CPAMD8: variants seen among roughly 807,000 people sequenced by gnomAD.
CPAMD8 encodes the protein C3 and PZP-like alpha-2-macroglobulin domain-containing protein 8.
A neutral mutation model predicts 224.7 loss-of-function variants in CPAMD8; 146 were observed. That is an observed-to-expected ratio of 0.65 (90% CI 0.57 to 0.75). The LOEUF is 0.75. Among genes scored for constraint, CPAMD8 ranks in the 30% least tolerant of loss-of-function variants. The pLI, the probability that CPAMD8 is intolerant of heterozygous loss-of-function variation, is 0.00. For missense variants in CPAMD8, 2,301 were observed against 2,537.5 expected (o/e 0.91, Z 2.00); for synonymous variants, 966 against 1,044.6 (o/e 0.92, Z 1.45).
At chr19:17,010,740 T>C (rs948394543) in intron 5 of CPAMD8, among the ~76,000 whole-genome samples, 5 of 152,034 alleles carry the variant, frequency 3.3e-5, no homozygotes, top group Admixed American at 2.0e-4. Context: ...CACATAAATA[T>C]AGCCAGGTGC....
chr19:16,925,389 G>T lies in CPAMD8; in HGVS notation c.3371-17C>A. ...TGACGTCCCCTGGTGGGAAGGAGAA[G>T]AGAGTTGAGTTGGGGGCTGTCCCAG... On this transcript the variant is annotated splice_polypyrimidine_tract_variant and intron_variant, in intron 25 of 41. Coordinates refer to ENST00000443236, the MANE Select transcript of CPAMD8 (RefSeq NM_015692.5). 1 of 1,607,458 alleles carries T rather than the reference G, an allele frequency of 6.2e-7. No individual in the cohort carries two copies. Among genetic ancestry groups the T allele is most frequent in the Non-Finnish European group, 8.5e-7 (1 of 1,174,332 alleles).
intron 16 of CPAMD8, 55 bp downstream of exon 16, chr19:16,975,947 A>T (rs1176543636): frequency 6.9e-7 from 1 of 1,439,570 alleles, no homozygotes; most frequent in African/African-American, 1.5e-5. Context: ...AGGGAGAGCA[A>T]GAGAAGGTAA....
At chr19:16,906,857 C>T in intron 30 of CPAMD8, 95 bp downstream of exon 30, 2 of 1,251,580 alleles carry the variant, frequency 1.6e-6, no homozygotes, top group Non-Finnish European at 2.2e-6. Context: ...CTACATGACT[C>T]GTCAGTTGTG....
rs374237425 is a variant in CPAMD8 at position 16,897,770 on chromosome 19, G to C, written c.4986C>G (p.Ser1662Arg). Residue 1662 changes from serine to arginine, a missense_variant, in exon 39 of 42, where the codon AGC (serine) becomes AGG (arginine). Ser to Arg is a moderately radical substitution (Grantham distance 110). This residue lies in a region of CPAMD8 where 1,709 missense variants were observed against 1,753.2 expected (regional missense o/e 0.97). Coordinates refer to ENST00000443236, the MANE Select transcript of CPAMD8 (RefSeq NM_015692.5). ...GTTCCCGGGCGAGTGGGCTGTGGGT[G>C]CTGACGTTGTAGAAGCGAGTGGCCT... is the stretch of plus-strand genomic sequence containing the variant. ...AFEATRFYNV[S>R]THSPLARELC... The C allele has an allele frequency of 1.9e-6, 3 of 1,585,652 alleles. No individual in the cohort carries two copies. In the African/African-American group the frequency reaches 4.0e-5, roughly 21 times the overall value.
chr19:16,914,515 A>C lies in CPAMD8; in HGVS notation c.3787-17T>G, dbSNP rs1490322950. On this transcript the variant is annotated splice_polypyrimidine_tract_variant and intron_variant, in intron 28 of 41. Coordinates refer to ENST00000443236, the MANE Select transcript of CPAMD8 (RefSeq NM_015692.5). Reference sequence around the variant, plus strand: ...GATCCCACCCTGCAAGGGGACTCACAGGCCTCACCCTAAGCCAAAGGAGAC... The same window carrying C: ...GATCCCACCCTGCAAGGGGACTCACCGGCCTCACCCTAAGCCAAAGGAGAC... The C allele has an allele frequency of 6.2e-7, 1 of 1,613,360 alleles. No individual in the cohort carries two copies. The highest frequency in any genetic ancestry group is 8.5e-7 in the Non-Finnish European group (1 of 1,179,438).
rs1402652728 is a variant in CPAMD8, at chr19:16,898,736, A to C, written c.4848+739T>G. On this transcript the variant is annotated intron_variant, in intron 37 of 41. Coordinates refer to ENST00000443236, the MANE Select transcript of CPAMD8 (RefSeq NM_015692.5). The surrounding 1 kb of genome is among the most constrained non-coding windows in gnomAD (Gnocchi z 4.2). ...TTGTGTCTGGCTTCTTTCACTCAGC[A>C]TCATGTTTCTGAGGTTCATCCATGC... 6.6e-6 allele frequency among the ~76,000 whole-genome samples: 1 copy of C among 151,922 alleles called. No homozygotes were observed. Among genetic ancestry groups the C allele is most frequent in the African/African-American group, 2.4e-5 (1 of 41,336 alleles).
chr19:17,021,755 C>G (rs528846595), intron 2 of CPAMD8, among the ~76,000 whole-genome samples: 1 of 152,222 alleles, frequency 6.6e-6, no homozygotes, highest in African/African-American at 2.4e-5. Context: ...AAAGCTGACA[C>G]AGGTGGGTGC....
intron 22 of CPAMD8, among the ~76,000 whole-genome samples, chr19:16,939,650 C>T (rs1335932338): frequency 1.3e-5 from 2 of 152,146 alleles, no homozygotes; most frequent in Non-Finnish European, 2.9e-5. Flanking sequence ...GGGCACACGG[C>T]CCTCTCCAAT....
At position 16,997,288 on chromosome 19, in the gene CPAMD8, C is replaced by A. The variant is rs112680414; in HGVS notation, c.918G>T (p.Ala306=). 2 of 1,585,302 alleles carry A rather than the reference C, an allele frequency of 1.3e-6. No individual in the cohort carries two copies. Among genetic ancestry groups the A allele is most frequent in the Non-Finnish European group, 1.7e-6 (2 of 1,160,438 alleles). The change falls in exon 11 of 42, where the codon GCG becomes GCT. Residue 306 remains alanine (A), a synonymous_variant. Coordinates refer to ENST00000443236, the MANE Select transcript of CPAMD8 (RefSeq NM_015692.5). The part of the protein sequence containing the change: ...FDICVRDMIP[A]DVPEHFRGRV... ...TGCCCCGGAAGTGCTCAGGGACGTC[C>A]GCTGGGATCATGTCCCTCACGCAGA...
chr19:16,966,867 A>G (rs2054844515), intron 18 of CPAMD8, among the ~76,000 whole-genome samples: 1 of 152,222 alleles, frequency 6.6e-6, no homozygotes, highest in African/African-American at 2.4e-5. Context: ...GTGGAGAAAT[A>G]GGAATGCTTT....
At chr19:16,945,442 G>A (rs1568508817) in intron 22 of CPAMD8, 107 bp downstream of exon 22, 6 of 1,465,752 alleles carry the variant, frequency 4.1e-6, no homozygotes, top group South Asian at 1.3e-5. Context: ...CGTGAAGGCT[G>A]CCCAGGCCCT....
At chr19:17,007,813 A>G (rs2056533985) in intron 7 of CPAMD8, among the ~76,000 whole-genome samples, 1 of 152,260 alleles carries the variant, frequency 6.6e-6, no homozygotes, top group African/African-American at 2.4e-5. Context: ...TCTGACTTCT[A>G]GCTGGAAAAG....
At chr19:16,928,580 C>T (rs2053446843) in intron 24 of CPAMD8, among the ~76,000 whole-genome samples, 1 of 152,088 alleles carries the variant, frequency 6.6e-6, no homozygotes, top group Non-Finnish European at 1.5e-5. Context: ...TATGTTCTTC[C>T]TCTAGGAAGC....
intron 14 of CPAMD8, among the ~76,000 whole-genome samples, chr19:16,978,888 ACCATCCAC>A (rs906947611): frequency 2.7e-5 from 4 of 148,114 alleles, no homozygotes; most frequent in Admixed American, 6.7e-5. Flanking sequence ...CACCCATCCA[ACCATCCAC>A]CCATCCCTCT....
At chr19:16,992,996 G>A (rs1306772533) in intron 12 of CPAMD8, among the ~76,000 whole-genome samples, 3 of 151,888 alleles carry the variant, frequency 2.0e-5, no homozygotes, top group African/African-American at 4.8e-5. Context: ...CACCCGTGAG[G>A]TGGCGGAAAC....
At chr19:16,972,362 T>C (rs910654207) in intron 17 of CPAMD8, among the ~76,000 whole-genome samples, 9 of 151,946 alleles carry the variant, frequency 5.9e-5, no homozygotes, top group African/African-American at 2.2e-4. Context: ...TCCTCATCAT[T>C]GTACTAATTA....
chr19:16,979,688 T>C (rs1024777025), intron 14 of CPAMD8, among the ~76,000 whole-genome samples: 3 of 152,170 alleles, frequency 2.0e-5, no homozygotes, highest in Admixed American at 2.0e-4. Flanking sequence ...TATAGGGCTA[T>C]TGGCATCTAT....
At chr19:16,993,098 C>T (rs375531598) in intron 12 of CPAMD8, among the ~76,000 whole-genome samples, 8 of 152,324 alleles carry the variant, frequency 5.3e-5, no homozygotes, top group African/African-American at 1.9e-4. Context: ...CACGGTCTGC[C>T]TCTGAACCTG....
chr19:17,008,782 G>A (rs768436465), intron 6 of CPAMD8: 38 of 599,936 alleles, frequency 6.3e-5, no homozygotes, highest in East Asian at 8.6e-5. Context: ...TTAGGGAGCC[G>A]TGTACAAACC....
Sources: allele counts gnomAD v4.1 joint callset (sites outside exome capture counted in the v4.1 genomes callset), GRCh38; gene constraint gnomAD v4.1.1; regional missense constraint gnomAD v4.1.1; non-coding constraint Gnocchi (gnomAD v3.1); transcripts MANE v1.5; gene names NCBI Gene and HGNC (gene_info 2026-07-23, HGNC 2026-07-21).